PEMT: variants seen among roughly 807,000 people sequenced by gnomAD.
PEMT encodes the protein phosphatidylethanolamine N-methyltransferase, also known as phospholipid methyltransferase.
A neutral mutation model predicts 27.4 loss-of-function variants in PEMT; 23 were observed. The observed-to-expected ratio is 0.84, with a 90% CI of 0.60 to 1.19. The LOEUF is 1.19. Among genes scored for constraint, PEMT ranks in the 50% most tolerant of loss-of-function variants. The probability of loss-of-function intolerance (pLI) is 0.00; values close to 1 mark genes in which losing one functional copy is unlikely to be tolerated. For missense variants in PEMT, 307 were observed against 310.1 expected (o/e 0.99, Z 0.07); for synonymous variants, 137 against 139.1 (o/e 0.98, Z 0.11).
intron 2 of PEMT, among the ~76,000 whole-genome samples, chr17:17,536,923 G>A (rs1055522554): frequency 6.6e-6 from 1 of 152,210 alleles, no homozygotes; most frequent in Admixed American, 6.5e-5. Context: ...CTCACAGCCC[G>A]AAACCCTTCA....
intron 1 of PEMT, among the ~76,000 whole-genome samples, chr17:17,586,299 AC>A (rs1912312289): frequency 1.3e-5 from 2 of 148,592 alleles, no homozygotes; most frequent in East Asian, 2.0e-4. Flanking sequence ...AAAAAAAAAA[AC>A]GCAGGTGGAA....
At position 17,586,247 on chromosome 17, in the gene PEMT, AG is replaced by A. The variant is rs1912268563; in HGVS notation, c.96+5283del. 1.6e-4 allele frequency among the ~76,000 whole-genome samples: 17 copies of A among 108,496 alleles called. 1 individual carries two copies. The highest frequency in any genetic ancestry group is 7.0e-4 in the African/African-American group (16 of 22,914). The allele number at this position is 108,496 out of a possible 152,430, so 71.2% of individuals were successfully genotyped here. On this transcript the variant is annotated intron_variant, in intron 1 of 6. Transcript: ENST00000255389. The stretch of plus-strand genomic sequence containing the variant: ...AAGAAAGAAAGAAAGAAAGAAAGAA[AG>A]AAAGAAAGAAAGAAAGAAAGAAAGA...
At chr17:17,567,166 G>C (rs1683118750) in intron 2 of PEMT, among the ~76,000 whole-genome samples, 1 of 152,248 alleles carries the variant, frequency 6.6e-6, no homozygotes, top group Admixed American at 6.5e-5. Flanking sequence ...CAGTGGAAGA[G>C]ATCGGCTCAG....
At chr17:17,556,329 C>T (rs1422805646) in intron 2 of PEMT, among the ~76,000 whole-genome samples, 1 of 151,874 alleles carries the variant, frequency 6.6e-6, no homozygotes, top group African/African-American at 2.4e-5. Flanking sequence ...AAGGCCGGAG[C>T]CTTCTGCATG....
At chr17:17,540,396 A>G (rs990248673) in intron 2 of PEMT, among the ~76,000 whole-genome samples, 2 of 152,200 alleles carry the variant, frequency 1.3e-5, no homozygotes, top group Non-Finnish European at 2.9e-5. Context: ...TGAGCACAGC[A>G]CACGTGAGGG....
chr17:17,542,235 C>T (rs1395276602), intron 2 of PEMT, among the ~76,000 whole-genome samples: 1 of 80,262 alleles, frequency 1.2e-5, no homozygotes, highest in Non-Finnish European at 3.0e-5. Flanking sequence ...CCCGCCTCAG[C>T]CTCCCAAAGA....
chr17:17,561,404 G>C lies in PEMT; in HGVS notation c.204+15516C>G, dbSNP rs1271055593. On this transcript the variant is annotated intron_variant, in intron 2 of 6. Coordinates refer to ENST00000255389, the MANE Select transcript of PEMT (RefSeq NM_148172.3). The surrounding 1 kb of genome is among the most constrained non-coding windows in gnomAD (Gnocchi z 4.5). ...GGAAGCTAAGTCCCCCTGAGTCCCT[G>C]CCTGAGCCCAACCTGAAGAAGCCTG... 6.6e-6 allele frequency among the ~76,000 whole-genome samples: 1 copy of C among 152,236 alleles called. No individual in the cohort carries two copies. Among genetic ancestry groups the C allele is most frequent in the Non-Finnish European group, 1.5e-5 (1 of 68,040 alleles).
chr17:17,580,695 C>T (rs1245170731), intron 1 of PEMT, among the ~76,000 whole-genome samples: 1 of 152,172 alleles, frequency 6.6e-6, no homozygotes, highest in Non-Finnish European at 1.5e-5. Flanking sequence ...CTCCCACTCC[C>T]CATTCCCCAT....
At chr17:17,529,146 C>T (rs982704027) in intron 2 of PEMT, among the ~76,000 whole-genome samples, 1 of 152,198 alleles carries the variant, frequency 6.6e-6, no homozygotes, top group African/African-American at 2.4e-5. Context: ...TATGAACAGG[C>T]GGCTCTCCGA....
At chr17:17,532,860 C>G (rs573284724) in intron 2 of PEMT, among the ~76,000 whole-genome samples, 1 of 152,354 alleles carries the variant, frequency 6.6e-6, no homozygotes, top group South Asian at 2.1e-4. Context: ...AAACCTGTCT[C>G]TACTGAAAAT....
chr17:17,590,286 G>C (rs572807214), intron 1 of PEMT, among the ~76,000 whole-genome samples: 2 of 152,292 alleles, frequency 1.3e-5, no homozygotes, highest in Non-Finnish European at 2.9e-5. Context: ...TCTGGCCAAC[G>C]GTCCTGCGCT....
intron 2 of PEMT, among the ~76,000 whole-genome samples, chr17:17,567,597 G>A (rs888565123): frequency 1.3e-5 from 2 of 152,268 alleles, no homozygotes; most frequent in Non-Finnish European, 2.9e-5. Context: ...TGGGGACAAG[G>A]CACTGACTGT....
intron 3 of PEMT, among the ~76,000 whole-genome samples, chr17:17,520,100 T>G (rs557633821): frequency 6.6e-5 from 10 of 152,136 alleles, no homozygotes; most frequent in Non-Finnish European, 1.3e-4. Context: ...GCTGTTCCTG[T>G]GGGGGGACTC....
intron 2 of PEMT, among the ~76,000 whole-genome samples, chr17:17,566,118 G>T (rs970971147): frequency 6.6e-6 from 1 of 152,214 alleles, no homozygotes; most frequent in Non-Finnish European, 1.5e-5. Context: ...CTTGGAAATT[G>T]TCCATGGAAT....
intron 1 of PEMT, among the ~76,000 whole-genome samples, chr17:17,584,179 A>T (rs1912120163): frequency 6.6e-6 from 1 of 150,630 alleles, no homozygotes; most frequent in East Asian, 1.9e-4. Flanking sequence ...TTTTTTTTTG[A>T]GATGGAGTCT....
chr17:17,543,164 C>G (rs1482400299), intron 2 of PEMT, among the ~76,000 whole-genome samples: 1 of 152,218 alleles, frequency 6.6e-6, no homozygotes, highest in African/African-American at 2.4e-5. Context: ...GTGGAGAAGC[C>G]ACGTCGTGTC....
At chr17:17,577,472 C>A (rs905532669) in intron 1 of PEMT, 9 of 1,029,734 alleles carry the variant, frequency 8.7e-6, no homozygotes, top group Non-Finnish European at 1.1e-5. Flanking sequence ...CGCCCACACT[C>A]GACAGGGGAC....
intron 2 of PEMT, among the ~76,000 whole-genome samples, chr17:17,535,025 C>G (rs1212798997): frequency 6.6e-6 from 1 of 151,954 alleles, no homozygotes; most frequent in Non-Finnish European, 1.5e-5. Flanking sequence ...ATTCTCCTGC[C>G]TCAGCCTCCA....
chr17:17,589,884 G>A (rs1328829551), intron 1 of PEMT, among the ~76,000 whole-genome samples: 1 of 152,206 alleles, frequency 6.6e-6, no homozygotes, highest in African/African-American at 2.4e-5. Context: ...CCGAACCCCA[G>A]CCCCAGCTCT....
Sources: gnomAD v4.1 joint callset for allele counts (sites outside exome capture counted in the v4.1 genomes callset) on GRCh38, gnomAD v4.1.1 for gene constraint, Gnocchi (gnomAD v3.1) non-coding constraint, MANE v1.5 for transcripts, NCBI Gene and HGNC (gene_info 2026-07-23, HGNC 2026-07-21) for gene names.